BDP1: variants seen among roughly 807,000 people sequenced by gnomAD.
BDP1 encodes transcription factor TFIIIB component B'' homolog.
In BDP1, 169 loss-of-function variants were observed where a neutral mutation model predicts 266.6. That is an observed-to-expected ratio of 0.63 (90% CI 0.56 to 0.72). BDP1 has a LOEUF of 0.72. BDP1 is among the 30% of genes least tolerant of loss of function. The probability of loss-of-function intolerance (pLI) is 0.00; values close to 1 mark genes in which losing one functional copy is unlikely to be tolerated. For missense variants in BDP1, 3,015 were observed against 3,053.8 expected, an observed-to-expected ratio of 0.99 and a Z score of 0.30; for synonymous variants, 1,090 against 1,022.4, an observed-to-expected ratio of 1.07 and a Z score of -1.26.
chr5:71,541,344 G>T (rs1417689610), intron 28 of BDP1, 110 bp from the exon 29 acceptor site: 3 of 533,906 alleles, frequency 5.6e-6, no homozygotes, highest in Non-Finnish European at 6.4e-6. Flanking sequence ...CCACACAAAT[G>T]AAGCAAACTT....
intron 32 of BDP1, among the ~76,000 whole-genome samples, chr5:71,545,859 G>C (rs113783784): frequency 0.013 from 1,971 of 151,618 alleles, 47 homozygotes; most frequent in African/African-American, 0.044. Context: ...AAAAAGCCAG[G>C]CATGGTGGCA....
At position 71,533,132 on chromosome 5, in the gene BDP1, T is replaced by A. The variant is rs547233366; in HGVS notation, c.5892+705T>A. ...TACTTCCTTACTTTTTGTAGCCTAA[T>A]AATATTCCATATGGATATGGTACAT... is the stretch of plus-strand genomic sequence containing the variant. On this transcript the variant is annotated intron_variant, in intron 26 of 38. Transcript: ENST00000358731. Among the ~76,000 whole-genome samples, 10 of 152,374 alleles carry A rather than the reference T, an allele frequency of 6.6e-5. No homozygotes were observed. The East Asian group carries it at 1.9e-3, about 29-fold the overall frequency.
chr5:71,571,533 C>G (rs929755925), downstream of BDP1, among the ~76,000 whole-genome samples: 4 of 152,180 alleles, frequency 2.6e-5, no homozygotes, highest in South Asian at 4.1e-4. Flanking sequence ...AGATGGCTTC[C>G]TGTACATGGC....
At chr5:71,537,149 C>CAAAAAAACA in intron 26 of BDP1, among the ~76,000 whole-genome samples, 1 of 82,446 alleles carries the variant, frequency 1.2e-5, no homozygotes, top group Non-Finnish European at 2.2e-5. Flanking sequence ...ACCAAAAAAC[C>CAAAAAAACA]AAAAAAAAAA....
rs1322797754 is a variant in BDP1, at chr5:71,515,024, A to G, written c.4551A>G (p.Thr1517=). 6.2e-7 allele frequency: 1 copy of G among 1,613,378 alleles called. No individual in the cohort carries two copies. The highest frequency in any genetic ancestry group is 8.5e-7 in the Non-Finnish European group (1 of 1,179,590). Residue 1517 remains threonine, a synonymous_variant, in exon 20 of 39, where the codon ACA becomes ACG. Coordinates refer to ENST00000358731, the MANE Select transcript of BDP1 (RefSeq NM_018429.3). ...AGGAGGCTGTGATATTGCCATGTAC[A>G]CAGACTGAAAGGAACCTTTCACCTT... ...RNEEAVILPC[T]QTERNLSPSN...
intron 6 of BDP1, among the ~76,000 whole-genome samples, chr5:71,469,391 G>A (rs1279503464): frequency 2.0e-5 from 3 of 151,482 alleles, no homozygotes; most frequent in Admixed American, 1.3e-4. Context: ...TGCCCGCCTC[G>A]GCCTCCCAAA....
intron 21 of BDP1, 61 bp downstream of exon 21, chr5:71,516,332 G>T: frequency 1.6e-6 from 2 of 1,254,050 alleles, no homozygotes; most frequent in Non-Finnish European, 1.1e-6. Context: ...TCAAGTTATA[G>T]CTCAGACATA....
intron 7 of BDP1, among the ~76,000 whole-genome samples, chr5:71,479,632 C>A (rs1052473688): frequency 2.0e-5 from 3 of 151,406 alleles, no homozygotes; most frequent in African/African-American, 7.3e-5. Flanking sequence ...CTGCAAGCTC[C>A]GCCTCCCGGG....
chr5:71,557,031 C>A, intron 36 of BDP1, 106 bp downstream of exon 36: 1 of 553,606 alleles, frequency 1.8e-6, no homozygotes, highest in Non-Finnish European at 3.0e-6. Context: ...TCCTTTTCTC[C>A]AAGAGTAATA....
chr5:71,486,275 G>A (rs1344607313), intron 8 of BDP1, among the ~76,000 whole-genome samples: 3 of 151,828 alleles, frequency 2.0e-5, no homozygotes, highest in East Asian at 3.9e-4. Flanking sequence ...TATTTGTTTC[G>A]TTGCTGAGTG....
intron 3 of BDP1, 22 bp downstream of exon 3, chr5:71,461,948 T>A: frequency 8.5e-7 from 1 of 1,173,822 alleles, no homozygotes; most frequent in Non-Finnish European, 1.2e-6. Flanking sequence ...TTATTTCTGC[T>A]TTACTATCTC....
At chr5:71,477,521 A>G (rs191807483) in intron 7 of BDP1, among the ~76,000 whole-genome samples, 3 of 152,286 alleles carry the variant, frequency 2.0e-5, no homozygotes, top group Admixed American at 1.3e-4. Flanking sequence ...GTCCAAGTGC[A>G]CTGGTGTTTA....
chr5:71,473,566 C>T (rs1005272303), intron 7 of BDP1, among the ~76,000 whole-genome samples: 4 of 152,062 alleles, frequency 2.6e-5, no homozygotes, highest in East Asian at 1.9e-4. Flanking sequence ...AGCCACTGCG[C>T]CTGGCTTCTT....
At chr5:71,513,866 G>A (rs1765080891) in intron 19 of BDP1, among the ~76,000 whole-genome samples, 2 of 151,792 alleles carry the variant, frequency 1.3e-5, no homozygotes, top group South Asian at 2.1e-4. Flanking sequence ...CTACAGGCGC[G>A]TGCTGCCATG....
In BDP1 at chr5:71,461,903, T is replaced by G; in HGVS notation, c.576T>G (p.Tyr192Ter). The change falls in exon 3 of 39, where the codon TAT becomes TAG. Residue 192 changes from tyrosine to a stop codon, truncating the protein, a stop_gained. Coordinates refer to ENST00000358731, the MANE Select transcript of BDP1 (RefSeq NM_018429.3). LOFTEE classifies it high-confidence loss of function. ...SKMTMRDFIY[Y>*]LPDNNPMTSS... ...TGACTATGAGAGACTTCATATATTA[T>G]CTACCAGATAATAATCCAATGACGT... The G allele has an allele frequency of 6.4e-7, 1 of 1,562,528 alleles. No homozygotes were observed. The highest frequency in any genetic ancestry group is 8.8e-7 in the Non-Finnish European group (1 of 1,138,246).
chr5:71,464,773 C>T (rs979518840), intron 4 of BDP1, among the ~76,000 whole-genome samples: 2 of 128,706 alleles, frequency 1.6e-5, no homozygotes, highest in African/African-American at 5.9e-5. Flanking sequence ...GGCGGGAGTG[C>T]AGTGGTGCGA....
At chr5:71,508,374 G>T (rs1344760027) in intron 16 of BDP1, among the ~76,000 whole-genome samples, 2 of 152,112 alleles carry the variant, frequency 1.3e-5, no homozygotes, top group African/African-American at 4.8e-5. Context: ...CATGATCATG[G>T]CTTACTGCAG....
At chr5:71,569,204 T>C (rs1048630472), downstream of BDP1, among the ~76,000 whole-genome samples, 2 of 152,238 alleles carry the variant, frequency 1.3e-5, no homozygotes, top group Non-Finnish European at 2.9e-5. Flanking sequence ...GTTAAATCAG[T>C]GTCTGGGTGC....
intron 32 of BDP1, among the ~76,000 whole-genome samples, chr5:71,545,790 G>A (rs1742259687): frequency 6.6e-6 from 1 of 151,784 alleles, no homozygotes; most frequent in South Asian, 2.1e-4. Context: ...GAACGTGTGT[G>A]TAAAGAACAG....
Sources: allele counts gnomAD v4.1 joint callset (sites outside exome capture counted in the v4.1 genomes callset), GRCh38; gene constraint gnomAD v4.1.1; transcripts MANE v1.5; gene names NCBI Gene and HGNC (gene_info 2026-07-23, HGNC 2026-07-21).